MIR2052HG: variants seen among roughly 807,000 people sequenced by gnomAD.
MIR2052HG encodes MIR2052 host gene.
At chr8:74,663,971 C>T (rs953403139) in intron 2 of MIR2052HG, among the ~76,000 whole-genome samples, 3 of 151,862 alleles carry the variant, frequency 2.0e-5, no homozygotes, top group Admixed American at 1.3e-4. Flanking sequence ...GAGAAAGAAA[C>T]GATCCTCCAG....
intron 2 of MIR2052HG, among the ~76,000 whole-genome samples, chr8:74,693,743 C>T (rs898870856): frequency 2.6e-5 from 4 of 151,898 alleles, no homozygotes; most frequent in Non-Finnish European, 5.9e-5. Context: ...TGTCATAATC[C>T]CCCTGAAAAC....
intron 4 of MIR2052HG, among the ~76,000 whole-genome samples, chr8:74,725,298 T>A (rs1350843573): frequency 1.3e-5 from 2 of 152,208 alleles, no homozygotes; most frequent in African/African-American, 4.8e-5. Flanking sequence ...TAAAGAAGGA[T>A]GGAGGACAGA....
At chr8:74,703,685 G>A (rs1410786713) in intron 4 of MIR2052HG, 1 of 450,844 alleles carries the variant, frequency 2.2e-6, no homozygotes, top group African/African-American at 2.0e-5. Context: ...CATCAGGGGT[G>A]AGTAGAATTT....
chr8:74,628,037 G>A (rs942203979), intron 2 of MIR2052HG, among the ~76,000 whole-genome samples: 1 of 152,148 alleles, frequency 6.6e-6, no homozygotes, highest in South Asian at 2.1e-4. Context: ...GAGGACTTTG[G>A]TGCACTGATG....
At chr8:74,612,910 G>C in exon 2 of MIR2052HG, 1 of 456,240 alleles carries the variant, frequency 2.2e-6, no homozygotes, top group South Asian at 1.5e-5. Flanking sequence ...CAAGTGGAGA[G>C]CCAGAAAAGG....
intron 2 of MIR2052HG, among the ~76,000 whole-genome samples, chr8:74,665,922 A>G (rs7016700): frequency 0.24 from 37,125 of 152,078 alleles, 5,548 homozygotes; most frequent in East Asian, 0.65. Flanking sequence ...CTGCCATGTA[A>G]GACATGCCTT....
intron 4 of MIR2052HG, among the ~76,000 whole-genome samples, chr8:74,748,379 C>T (rs970090755): frequency 1.3e-5 from 2 of 152,186 alleles, no homozygotes; most frequent in Non-Finnish European, 2.9e-5. Flanking sequence ...AAGACAGGAA[C>T]TTTCACTAGT....
At chr8:74,670,091 C>A (rs1370799634) in intron 2 of MIR2052HG, among the ~76,000 whole-genome samples, 2 of 152,188 alleles carry the variant, frequency 1.3e-5, no homozygotes, top group Admixed American at 6.5e-5. Flanking sequence ...AGAAAGAGAG[C>A]CCTCACCAGA....
chr8:74,741,386 G>A (rs1809826742), intron 4 of MIR2052HG, among the ~76,000 whole-genome samples: 2 of 152,144 alleles, frequency 1.3e-5, no homozygotes, highest in African/African-American at 4.8e-5. Flanking sequence ...AAAATGCAGA[G>A]CAGTTAGCAC....
At chr8:74,643,968 C>A (rs1043018724) in intron 2 of MIR2052HG, among the ~76,000 whole-genome samples, 1 of 152,168 alleles carries the variant, frequency 6.6e-6, no homozygotes, top group African/African-American at 2.4e-5. Flanking sequence ...TGGTGGTAAG[C>A]TTCTTTCTTA....
intron 2 of MIR2052HG, among the ~76,000 whole-genome samples, chr8:74,652,095 A>G (rs1808759387): frequency 6.6e-6 from 1 of 152,182 alleles, no homozygotes; most frequent in African/African-American, 2.4e-5. Flanking sequence ...AGCAAGAGTT[A>G]TATCAACATA....
At chr8:74,603,266 T>C (rs897045340) in intron 1 of MIR2052HG, 2 of 1,499,604 alleles carry the variant, frequency 1.3e-6, no homozygotes, top group Non-Finnish European at 1.9e-6. Context: ...CAGAAAGGGA[T>C]TGTGGATAAA....
intron 2 of MIR2052HG, among the ~76,000 whole-genome samples, chr8:74,624,534 A>G (rs567310324): frequency 2.0e-5 from 3 of 152,158 alleles, no homozygotes; most frequent in Non-Finnish European, 2.9e-5. Flanking sequence ...CAGATTCCCA[A>G]CTATCTCCTA....
intron 1 of MIR2052HG, among the ~76,000 whole-genome samples, chr8:74,601,000 G>A (rs1219262252): frequency 1.3e-5 from 2 of 152,156 alleles, no homozygotes; most frequent in African/African-American, 4.8e-5. Context: ...CAAAAAGCCA[G>A]AAAGGCATTT....
At chr8:74,625,200 A>C (rs1425483535) in intron 2 of MIR2052HG, 1 of 152,150 alleles carries the variant, frequency 6.6e-6, no homozygotes, top group Non-Finnish European at 1.5e-5. Flanking sequence ...CAAGGACTAC[A>C]GGCATACATC....
At chr8:74,707,702 G>T (rs1043622320) in intron 4 of MIR2052HG, among the ~76,000 whole-genome samples, 2 of 152,042 alleles carry the variant, frequency 1.3e-5, no homozygotes, top group African/African-American at 4.8e-5. Flanking sequence ...GCTTATTAAG[G>T]CTTGTCTGTA....
intron 4 of MIR2052HG, among the ~76,000 whole-genome samples, chr8:74,711,474 C>T (rs1364719406): frequency 1.3e-5 from 2 of 152,162 alleles, no homozygotes; most frequent in Admixed American, 6.5e-5. Context: ...GAGTTGAATA[C>T]TGCCTCAATT....
chr8:74,719,621 G>T (rs760965315), intron 4 of MIR2052HG, among the ~76,000 whole-genome samples: 5 of 151,156 alleles, frequency 3.3e-5, no homozygotes, highest in Non-Finnish European at 7.4e-5. Flanking sequence ...TATTTATTTG[G>T]CTCTAGGCGC....
intron 1 of MIR2052HG, chr8:74,599,951 C>T (rs13281456): frequency 0.12 from 19,781 of 160,018 alleles, 692 homozygotes; most frequent in Middle Eastern, 0.25. Flanking sequence ...TTAAGCCCGT[C>T]GGAAAAGCGC....
Sources: allele counts gnomAD v4.1 joint callset (sites outside exome capture counted in the v4.1 genomes callset), GRCh38; gene constraint gnomAD v4.1.1; transcripts MANE v1.5; gene names NCBI Gene and HGNC (gene_info 2026-07-23, HGNC 2026-07-21).